CSMD2: variants seen among roughly 807,000 people sequenced by gnomAD.
The protein encoded by CSMD2 is CUB and sushi domain-containing protein 2.
A neutral mutation model predicts 398.5 loss-of-function variants in CSMD2; 130 were observed. The ratio of observed to expected loss-of-function variants is 0.33; its 90% CI spans 0.28 to 0.38. The LOEUF is 0.38. Among genes scored for constraint, CSMD2 ranks in the 10% least tolerant of loss-of-function variants. The probability of loss-of-function intolerance (pLI) is 1.00; values close to 1 mark genes in which losing one functional copy is unlikely to be tolerated. For missense variants in CSMD2, 3,829 were observed against 4,764.9 expected, an observed-to-expected ratio of 0.80 and a Z score of 5.78; for synonymous variants, 1,828 against 1,908.5, an observed-to-expected ratio of 0.96 and a Z score of 1.10.
At chr1:34,078,310 GATAC>G (rs1656667861) in intron 2 of CSMD2, among the ~76,000 whole-genome samples, 1 of 152,014 alleles carries the variant, frequency 6.6e-6, no homozygotes, top group Admixed American at 6.5e-5. Flanking sequence ...ACATACACAT[GATAC>G]ATACATGCAC....
At chr1:33,836,115 TG>T (rs1244019049) in intron 6 of CSMD2, among the ~76,000 whole-genome samples, 1 of 152,254 alleles carries the variant, frequency 6.6e-6, no homozygotes, top group African/African-American at 2.4e-5. Context: ...TGTTGGTGTT[TG>T]CCGGAGGTCC....
At chr1:33,825,545 G>C (rs1658703924) in intron 7 of CSMD2, 152 bp downstream of exon 7, 1 of 685,926 alleles carries the variant, frequency 1.5e-6, no homozygotes, top group Non-Finnish European at 2.5e-6. Flanking sequence ...TCTGGCCGTT[G>C]GGTCAGTGTG....
intron 2 of CSMD2, among the ~76,000 whole-genome samples, chr1:34,057,855 C>T (rs1654026210): frequency 6.6e-6 from 1 of 152,190 alleles, no homozygotes; most frequent in African/African-American, 2.4e-5. Context: ...GGGCAATTTG[C>T]ATATTACTAC....
At chr1:34,092,599 G>C (rs1283540975) in intron 1 of CSMD2, among the ~76,000 whole-genome samples, 1 of 152,204 alleles carries the variant, frequency 6.6e-6, no homozygotes, top group African/African-American at 2.4e-5. Context: ...CACTCGGGAC[G>C]TGCAAGGGGG....
rs1010499775 is a variant in CSMD2 at position 33,636,994 on chromosome 1, C to T, written c.4775-440G>A. 1.3e-5 allele frequency among the ~76,000 whole-genome samples: 2 copies of T among 152,206 alleles called. No homozygotes were observed. Among genetic ancestry groups the T allele is most frequent in the African/African-American group, 2.4e-5 (1 of 41,438 alleles). ...ATCACTTTACTCATCTTTGACCCCC[C>T]ACACTCAGCAGCCTCCTGGCCTTTT... On this transcript the variant is annotated intron_variant, in intron 29 of 70. Coordinates refer to ENST00000373381, the MANE Select transcript of CSMD2 (RefSeq NM_001281956.2). This position sits in a 1 kb window ranked among gnomAD's most constrained non-coding sequence, Gnocchi z 4.8.
At position 33,602,480 on chromosome 1, in the gene CSMD2, T is replaced by C; in HGVS notation, c.6599A>G (p.Tyr2200Cys). 1 of 1,613,358 alleles carries C rather than the reference T, an allele frequency of 6.2e-7. No homozygotes were observed. The highest frequency in any genetic ancestry group is 8.5e-7 in the Non-Finnish European group (1 of 1,179,866). The change falls in exon 43 of 71, where the codon TAC becomes TGC. Residue 2200 changes from tyrosine to cysteine, a missense_variant. Coordinates refer to ENST00000373381, the MANE Select transcript of CSMD2 (RefSeq NM_001281956.2). ...TVYSPGFPSP[Y>C]SSSQDCVWLI... ...CCAGACACAGTCCTGGGAGCTGGAGTACGGGCTAGGGAACCCCGGGGAGTA... is the reference window on the plus strand; with the variant it reads ...CCAGACACAGTCCTGGGAGCTGGAGCACGGGCTAGGGAACCCCGGGGAGTA...
chr1:34,124,407 T>C (rs1351194378), intron 1 of CSMD2, among the ~76,000 whole-genome samples: 1 of 152,122 alleles, frequency 6.6e-6, no homozygotes, highest in Non-Finnish European at 1.5e-5. Context: ...TTTACACTTG[T>C]CTTCTGGGAG....
intron 49 of CSMD2, among the ~76,000 whole-genome samples, chr1:33,575,145 A>G (rs1405075803): frequency 6.6e-6 from 1 of 152,172 alleles, no homozygotes. Context: ...GGAGGAGGGG[A>G]TACAATCACA....
At chr1:33,742,681 G>C (rs1647120535) in intron 14 of CSMD2, among the ~76,000 whole-genome samples, 1 of 149,560 alleles carries the variant, frequency 6.7e-6, no homozygotes, top group Non-Finnish European at 1.5e-5. Context: ...ATTGAAACTG[G>C]AGGTGGCAAC....
At chr1:33,536,286 C>T (rs560098800) in intron 62 of CSMD2, among the ~76,000 whole-genome samples, 3 of 152,226 alleles carry the variant, frequency 2.0e-5, no homozygotes, top group East Asian at 1.9e-4. Context: ...TGCAGTGGTG[C>T]GATCTTGGCT....
chr1:33,803,249 T>G (rs1655823301), intron 10 of CSMD2, among the ~76,000 whole-genome samples: 1 of 152,186 alleles, frequency 6.6e-6, no homozygotes, highest in Non-Finnish European at 1.5e-5. Context: ...CATTCTGAAT[T>G]TTCTTATTCT....
At chr1:33,835,858 T>C (rs2358514) in intron 6 of CSMD2, among the ~76,000 whole-genome samples, 119,459 of 152,066 alleles carry the variant, frequency 0.79, 47,772 homozygotes, top group East Asian at 0.94. Context: ...CTTCTTCTCT[T>C]AACTCGTCAA....
At chr1:33,970,232 T>C (rs770035342) in intron 3 of CSMD2, among the ~76,000 whole-genome samples, 7 of 152,156 alleles carry the variant, frequency 4.6e-5, no homozygotes, top group Non-Finnish European at 1.0e-4. Flanking sequence ...TGAGTGTGTA[T>C]GCTTCAGATG....
At chr1:33,927,708 C>T (rs969096565) in intron 4 of CSMD2, among the ~76,000 whole-genome samples, 4 of 152,106 alleles carry the variant, frequency 2.6e-5, no homozygotes, top group Admixed American at 2.0e-4. Flanking sequence ...GGGCTAGGAG[C>T]AGGCTCCTGG....
At chr1:33,963,518 T>C (rs1645444097) in intron 3 of CSMD2, among the ~76,000 whole-genome samples, 3 of 152,198 alleles carry the variant, frequency 2.0e-5, no homozygotes, top group Non-Finnish European at 4.4e-5. Context: ...GTATCAATCA[T>C]TCCCGAGATT....
At chr1:33,965,217 C>A (rs1458347253) in intron 3 of CSMD2, among the ~76,000 whole-genome samples, 1 of 152,184 alleles carries the variant, frequency 6.6e-6, no homozygotes, top group Non-Finnish European at 1.5e-5. Context: ...AGAAGGCCCT[C>A]CTGCTTCCCA....
At chr1:33,915,808 A>G (rs1643691196) in intron 5 of CSMD2, among the ~76,000 whole-genome samples, 1 of 152,216 alleles carries the variant, frequency 6.6e-6, no homozygotes, top group Non-Finnish European at 1.5e-5. Flanking sequence ...AATGCTACAT[A>G]GCCCGGAAAA....
At chr1:34,161,556 C>G (rs1336603263) in intron 1 of CSMD2, among the ~76,000 whole-genome samples, 1 of 151,956 alleles carries the variant, frequency 6.6e-6, no homozygotes, top group Non-Finnish European at 1.5e-5. Flanking sequence ...CCCAGAAGCC[C>G]AAGGAAGAGA....
At chr1:33,970,963 A>G (rs1003208852) in intron 3 of CSMD2, among the ~76,000 whole-genome samples, 1 of 152,232 alleles carries the variant, frequency 6.6e-6, no homozygotes, top group African/African-American at 2.4e-5. Flanking sequence ...GGATGATAAC[A>G]ATCAGGTTGC....
Sources: gnomAD v4.1 joint callset for allele counts (sites outside exome capture counted in the v4.1 genomes callset) on GRCh38, gnomAD v4.1.1 for gene constraint, Gnocchi (gnomAD v3.1) non-coding constraint, MANE v1.5 for transcripts, NCBI Gene and HGNC (gene_info 2026-07-23, HGNC 2026-07-21) for gene names.